The following VAV3 variants were observed in gnomAD, a reference collection of about 807,000 sequenced individuals.
VAV3 encodes guanine nucleotide exchange factor VAV3.
VAV3 carries 94 observed loss-of-function variants against 131.2 expected under a neutral mutation model. That is an observed-to-expected ratio of 0.72 (90% CI 0.61 to 0.85). The LOEUF (loss-of-function observed/expected upper bound fraction) is 0.85, where lower values mean the gene tolerates loss of function less well. Ranked by LOEUF, VAV3 falls within the 40% of genes least tolerant of loss-of-function variation. VAV3 has a pLI of 0.00. For missense variants in VAV3, 939 were observed against 1,002.7 expected (o/e 0.94, Z 0.86); for synonymous variants, 349 against 342.0 (o/e 1.02, Z -0.22).
At chr1:107,835,296 A>G (rs1425570949) in intron 2 of VAV3, among the ~76,000 whole-genome samples, 1 of 152,152 alleles carries the variant, frequency 6.6e-6, no homozygotes, top group Non-Finnish European at 1.5e-5. Flanking sequence ...TAGGAGCACT[A>G]TGGCTACCCT....
intron 20 of VAV3, among the ~76,000 whole-genome samples, chr1:107,619,037 A>G (rs990743076): frequency 2.0e-5 from 3 of 152,152 alleles, no homozygotes; most frequent in African/African-American, 7.2e-5. Context: ...AGGGAGAGAA[A>G]CACATGCTGA....
chr1:107,742,071 G>A (rs1663052501), intron 15 of VAV3, among the ~76,000 whole-genome samples: 1 of 152,160 alleles, frequency 6.6e-6, no homozygotes, highest in Admixed American at 6.5e-5. Context: ...TCAACTTCAA[G>A]AATATCAAAA....
At chr1:107,582,658 T>A (rs889603717) in intron 25 of VAV3, among the ~76,000 whole-genome samples, 1 of 149,668 alleles carries the variant, frequency 6.7e-6, no homozygotes, top group African/African-American at 2.5e-5. Flanking sequence ...TGAGAATATG[T>A]GGTGTTTGGT....
In VAV3 at chr1:107,607,727, C is replaced by A. The variant is rs566003062; in HGVS notation, c.2015+2204G>T. Among the ~76,000 whole-genome samples, 15 of 152,280 alleles carry A rather than the reference C, an allele frequency of 9.9e-5. No homozygotes were observed. In the East Asian group the frequency reaches 2.5e-3, roughly 25 times the overall value. On this transcript the variant is annotated intron_variant, in intron 22 of 26. Coordinates refer to ENST00000370056, the MANE Select transcript of VAV3 (RefSeq NM_006113.5). ...CAAATCTCATTCCTATCTTTTGATA[C>A]CCCGAAACATAGATTATTGAAGACA... is the stretch of plus-strand genomic sequence containing the variant.
intron 16 of VAV3, 149 bp downstream of exon 16, chr1:107,704,811 C>CAGA (rs1280987466): frequency 9.9e-7 from 1 of 1,013,052 alleles, no homozygotes; most frequent in Non-Finnish European, 1.5e-6. Context: ...ACTGTCCAGG[C>CAGA]AGAAAGCCTG....
At chr1:107,650,326 A>ATACT (rs1656060852) in intron 19 of VAV3, among the ~76,000 whole-genome samples, 1 of 152,116 alleles carries the variant, frequency 6.6e-6, no homozygotes, top group Middle Eastern at 3.4e-3. Context: ...TTCCTGGCAT[A>ATACT]TACTTACTGA....
chr1:107,740,493 A>C (rs1333711699), intron 15 of VAV3, among the ~76,000 whole-genome samples: 1 of 152,314 alleles, frequency 6.6e-6, no homozygotes, highest in Non-Finnish European at 1.5e-5. Flanking sequence ...TAAAATAATA[A>C]TGACAAATAT....
chr1:107,899,805 T>C (rs1246378128), intron 1 of VAV3, among the ~76,000 whole-genome samples: 1 of 152,120 alleles, frequency 6.6e-6, no homozygotes, highest in African/African-American at 2.4e-5. Context: ...GTGAATTAGG[T>C]TTTGAAAGCA....
chr1:107,668,251 T>C (rs114784903), intron 19 of VAV3, among the ~76,000 whole-genome samples: 2,380 of 152,330 alleles, frequency 0.016, 66 homozygotes, highest in African/African-American at 0.055. Flanking sequence ...TGCACTGATT[T>C]AATGAATGCA....
At chr1:107,864,347 C>T (rs543213643) in intron 2 of VAV3, among the ~76,000 whole-genome samples, 11 of 152,224 alleles carry the variant, frequency 7.2e-5, no homozygotes, top group Non-Finnish European at 1.5e-4. Flanking sequence ...AAGGGCCAGT[C>T]GTGGTGGCTC....
chr1:107,933,181 T>A (rs1176708330), intron 1 of VAV3, among the ~76,000 whole-genome samples: 1 of 152,198 alleles, frequency 6.6e-6, no homozygotes, highest in African/African-American at 2.4e-5. Context: ...TTCTAAATTA[T>A]TCAGTTTTGT....
intron 2 of VAV3, among the ~76,000 whole-genome samples, chr1:107,805,293 T>C (rs757467055): frequency 1.3e-4 from 20 of 152,190 alleles, no homozygotes; most frequent in Non-Finnish European, 2.4e-4. Context: ...CAATAATTCT[T>C]ATATTTCATC....
chr1:107,887,156 C>T (rs780700157), intron 1 of VAV3, among the ~76,000 whole-genome samples: 8 of 152,324 alleles, frequency 5.3e-5, no homozygotes, highest in Admixed American at 5.2e-4. Flanking sequence ...CAGGCTGCAC[C>T]CTTTACCCAC....
At chr1:107,843,106 C>A (rs76104225) in intron 2 of VAV3, among the ~76,000 whole-genome samples, 2,591 of 151,986 alleles carry the variant, frequency 0.017, 48 homozygotes, top group African/African-American at 0.044. Context: ...TCCAATTTAT[C>A]GTGAAACCTA....
chr1:107,761,308 G>A (rs910726911), intron 9 of VAV3, among the ~76,000 whole-genome samples: 6 of 151,504 alleles, frequency 4.0e-5, no homozygotes, highest in Admixed American at 6.6e-5. Flanking sequence ...CAGGAGAATG[G>A]AGTGAACCCG....
In VAV3 at chr1:107,884,394, AAAAT is replaced by A. The variant is rs768571716; in HGVS notation, c.205-9381_205-9378del. On this transcript the variant is annotated intron_variant, in intron 1 of 26. Transcript: ENST00000370056. ...CACCTACTATGTACCCCCAAAATTA[AAAAT>A]AAATTATTTATTATTATTATTATTA... is the stretch of plus-strand genomic sequence containing the variant. Among the ~76,000 whole-genome samples, 717 of 140,346 alleles carry A rather than the reference AAAAT, an allele frequency of 5.1e-3. 2 individuals carry two copies. The highest frequency in any genetic ancestry group is 0.011 in the Middle Eastern group (3 of 276). The allele number at this position is 140,346 out of a possible 152,430, so 92.1% of individuals were successfully genotyped here.
intron 2 of VAV3, among the ~76,000 whole-genome samples, chr1:107,872,053 T>C (rs1451769940): frequency 1.3e-5 from 2 of 152,162 alleles, no homozygotes; most frequent in African/African-American, 4.8e-5. Flanking sequence ...TTCTATAAGT[T>C]CATCCTTTTC....
At chr1:107,798,622 G>A (rs1666670829) in intron 2 of VAV3, among the ~76,000 whole-genome samples, 1 of 150,446 alleles carries the variant, frequency 6.6e-6, no homozygotes, top group African/African-American at 2.5e-5. Flanking sequence ...AGGAGGCTGA[G>A]GCAGGAGAAT....
In VAV3 at chr1:107,606,361, A is replaced by G. The variant is rs563966086; in HGVS notation, c.2016-3198T>C. On this transcript the variant is annotated intron_variant, in intron 22 of 26. Transcript: ENST00000370056. Reference sequence around the variant, plus strand: ...TTGCCTGATTTTTTTCTCCCTAGAAACCTTCAAATTCTTTCTGTATTCTCT... The same window carrying G: ...TTGCCTGATTTTTTTCTCCCTAGAAGCCTTCAAATTCTTTCTGTATTCTCT... Among the ~76,000 whole-genome samples, 8 of 152,248 alleles carry G rather than the reference A, an allele frequency of 5.3e-5. No homozygotes were observed. In the South Asian group the frequency reaches 1.2e-3, roughly 24 times the overall value.
Sources: gnomAD v4.1 joint callset for allele counts (sites outside exome capture counted in the v4.1 genomes callset) on GRCh38, gnomAD v4.1.1 for gene constraint, MANE v1.5 for transcripts, NCBI Gene and HGNC (gene_info 2026-07-23, HGNC 2026-07-21) for gene names.